RNF180: variants seen among roughly 807,000 people sequenced by gnomAD.
RNF180 encodes the protein E3 ubiquitin-protein ligase RNF180.
Under a neutral mutation model 59.2 loss-of-function variants are expected in RNF180, and 38 were observed. That is an observed-to-expected ratio of 0.64 (90% CI 0.50 to 0.84). RNF180 has a LOEUF of 0.84. Among genes scored for constraint, RNF180 ranks in the 40% least tolerant of loss-of-function variants. RNF180 has a pLI of 0.00. For synonymous variants in RNF180, 262 were observed against 240.3 expected, an observed-to-expected ratio of 1.09 and a Z score of -0.84; for missense variants, 705 against 700.9, an observed-to-expected ratio of 1.01 and a Z score of -0.07.
intron 7 of RNF180, among the ~76,000 whole-genome samples, chr5:64,338,495 C>T (rs956941645): frequency 1.3e-5 from 2 of 151,878 alleles, no homozygotes; most frequent in Non-Finnish European, 2.9e-5. Context: ...ATTAGCCTGG[C>T]GTGGTGGCGG....
chr5:64,226,610 A>G (rs954525609), intron 5 of RNF180, among the ~76,000 whole-genome samples: 3 of 151,900 alleles, frequency 2.0e-5, no homozygotes. Flanking sequence ...TTATTATCCT[A>G]TGACCCTGCC....
intron 7 of RNF180, among the ~76,000 whole-genome samples, chr5:64,351,942 TTTTC>T (rs1285401576): frequency 7.2e-5 from 11 of 152,264 alleles, no homozygotes; most frequent in African/African-American, 2.6e-4. Flanking sequence ...GATTCCCTCT[TTTTC>T]TATTGATTGG....
At position 64,233,779 on chromosome 5, in the gene RNF180, A is replaced by C. The variant is rs1742239179; in HGVS notation, c.1227+16383A>C. 2.6e-5 allele frequency among the ~76,000 whole-genome samples: 4 copies of C among 152,350 alleles called. No homozygotes were observed. The South Asian group carries it at 8.3e-4, about 32-fold the overall frequency. ...TCTTGTGCGAGGTCCATTTAAAAGA[A>C]AAAGAAAAATTCAATAACCTTTCTG... On this transcript the variant is annotated intron_variant, in intron 5 of 7. Coordinates refer to ENST00000389100, the MANE Select transcript of RNF180 (RefSeq NM_001113561.2).
rs539189652 is a variant in RNF180, at chr5:64,325,695, A to T, written c.1453+284A>T. ...CTAGTGTTAAGGAAGTTCCATTTGA[A>T]GCAGTGCTGTTGATTATTTATTCCT... On this transcript the variant is annotated intron_variant, in intron 6 of 7. Transcript: ENST00000389100. Among the ~76,000 whole-genome samples the T allele has an allele frequency of 2.2e-4, 33 of 152,304 alleles. No homozygotes were observed. The Middle Eastern group carries it at 0.01, about 47-fold the overall frequency.
intron 5 of RNF180, among the ~76,000 whole-genome samples, chr5:64,254,061 A>T (rs1292310484): frequency 6.6e-6 from 1 of 152,168 alleles, no homozygotes; most frequent in Non-Finnish European, 1.5e-5. Flanking sequence ...TGAGCTTGCA[A>T]ACTAGGCCTT....
chr5:64,317,640 A>G lies in RNF180; in HGVS notation c.1228-7546A>G, dbSNP rs1471053512. 1.4e-4 allele frequency among the ~76,000 whole-genome samples: 21 copies of G among 151,422 alleles called. 1 individual carries two copies. On this transcript the variant is annotated intron_variant, in intron 5 of 7. Coordinates refer to ENST00000389100, the MANE Select transcript of RNF180 (RefSeq NM_001113561.2). ...CACATATATACACACACACACACAC[A>G]CACACACACAGTAGTCCTGCCTTAT... is the stretch of plus-strand genomic sequence containing the variant.
chr5:64,188,080 A>G (rs1215044872), intron 1 of RNF180, among the ~76,000 whole-genome samples: 4 of 152,192 alleles, frequency 2.6e-5, no homozygotes, highest in African/African-American at 9.6e-5. Flanking sequence ...GTGAGCTGAC[A>G]TGTAATTAGT....
chr5:64,243,895 C>T (rs1435794901), intron 5 of RNF180, among the ~76,000 whole-genome samples: 1 of 152,130 alleles, frequency 6.6e-6, no homozygotes, highest in Non-Finnish European at 1.5e-5. Flanking sequence ...GAGAAAGGAA[C>T]AGGCAGCAAT....
chr5:64,338,990 T>C (rs1432206947), intron 7 of RNF180, among the ~76,000 whole-genome samples: 1 of 152,138 alleles, frequency 6.6e-6, no homozygotes, highest in Non-Finnish European at 1.5e-5. Flanking sequence ...TTTTATACTG[T>C]GTTTTGTCAA....
intron 5 of RNF180, among the ~76,000 whole-genome samples, chr5:64,318,645 C>T (rs1407247600): frequency 6.6e-6 from 1 of 152,016 alleles, no homozygotes; most frequent in Non-Finnish European, 1.5e-5. Flanking sequence ...CAAAGTGATA[C>T]TTATTCTGTT....
chr5:64,351,789 T>C (rs1436760459), intron 7 of RNF180, among the ~76,000 whole-genome samples: 4 of 152,040 alleles, frequency 2.6e-5, no homozygotes, highest in Non-Finnish European at 5.9e-5. Flanking sequence ...TTTGATGTGC[T>C]GCTGGATTCA....
intron 1 of RNF180, among the ~76,000 whole-genome samples, chr5:64,172,304 G>T (rs1486414450): frequency 6.6e-6 from 1 of 152,114 alleles, no homozygotes; most frequent in Non-Finnish European, 1.5e-5. Context: ...GAATCATTGG[G>T]CAATTCTAAA....
intron 5 of RNF180, among the ~76,000 whole-genome samples, chr5:64,274,925 A>G: frequency 6.6e-6 from 1 of 152,052 alleles, no homozygotes; most frequent in East Asian, 1.9e-4. Flanking sequence ...CATATTGACT[A>G]AAGAATTTGT....
rs545087993 is a variant in RNF180, at chr5:64,264,203, T to C, written c.1227+46807T>C. Among the ~76,000 whole-genome samples the C allele has an allele frequency of 5.3e-5, 8 of 152,260 alleles. No homozygotes were observed. In the East Asian group the frequency reaches 1.5e-3, roughly 29 times the overall value. On this transcript the variant is annotated intron_variant, in intron 5 of 7. Transcript: ENST00000389100. The stretch of plus-strand genomic sequence containing the variant: ...GCAAATGAATGTGTTTTCCCCAAAA[T>C]AGGTCATAAGAAACATCTTTTTTTT...
chr5:64,312,697 C>G (rs1355879781), intron 5 of RNF180, among the ~76,000 whole-genome samples: 2 of 152,054 alleles, frequency 1.3e-5, no homozygotes, highest in Non-Finnish European at 2.9e-5. Flanking sequence ...CTGGAAAACA[C>G]CCACACAGGA....
chr5:64,168,430 A>G (rs924167078), intron 1 of RNF180, among the ~76,000 whole-genome samples: 5 of 152,242 alleles, frequency 3.3e-5, no homozygotes, highest in African/African-American at 7.2e-5. Flanking sequence ...CAAAGGGGAC[A>G]GTGCTTACTT....
intron 7 of RNF180, among the ~76,000 whole-genome samples, chr5:64,357,380 T>C (rs1479305447): frequency 6.6e-6 from 1 of 151,838 alleles, no homozygotes; most frequent in African/African-American, 2.4e-5. Context: ...CAGTAAAATA[T>C]TGTGCTTTAA....
At chr5:64,251,243 C>T (rs1743554979) in intron 5 of RNF180, among the ~76,000 whole-genome samples, 1 of 152,124 alleles carries the variant, frequency 6.6e-6, no homozygotes, top group Non-Finnish European at 1.5e-5. Context: ...ACATCATACA[C>T]AATGGGGAAA....
At chr5:64,320,884 A>G (rs957729543) in intron 5 of RNF180, among the ~76,000 whole-genome samples, 1 of 152,070 alleles carries the variant, frequency 6.6e-6, no homozygotes, top group African/African-American at 2.4e-5. Flanking sequence ...TAAAAATACA[A>G]AAAATTAGCC....
Sources: gnomAD v4.1 joint callset for allele counts (sites outside exome capture counted in the v4.1 genomes callset) on GRCh38, gnomAD v4.1.1 for gene constraint, MANE v1.5 for transcripts, NCBI Gene and HGNC (gene_info 2026-07-23, HGNC 2026-07-21) for gene names.